Variants in DCAF6 observed in about 807,000 individuals in gnomAD.
The protein encoded by DCAF6 is DDB1- and CUL4-associated factor 6.
In DCAF6, 54 loss-of-function variants were observed where a neutral mutation model predicts 125.1. The observed-to-expected ratio is 0.43, with a 90% CI of 0.35 to 0.54. DCAF6 has a LOEUF of 0.54. DCAF6 is among the 20% of genes least tolerant of loss of function. The pLI is 0.01. For synonymous variants in DCAF6, 371 were observed against 390.4 expected, an observed-to-expected ratio of 0.95 and a Z score of 0.58; for missense variants, 934 against 1,161.7, an observed-to-expected ratio of 0.80 and a Z score of 2.85.
the DCAF6 span, chr1:167,903,856 T>G: frequency 6.6e-7 from 1 of 1,505,668 alleles, no homozygotes; most frequent in Non-Finnish European, 9.3e-7. Flanking sequence ...ATTGAAATAT[T>G]CTCAAGCCAG....
chr1:167,968,938 C>G (rs1676879117), intron 3 of DCAF6, among the ~76,000 whole-genome samples: 1 of 152,032 alleles, frequency 6.6e-6, no homozygotes, highest in South Asian at 2.1e-4. Context: ...GGTATTATTG[C>G]AATGTGAAAT....
At chr1:167,878,474 A>G in the DCAF6 span, 3 of 1,614,046 alleles carry the variant, frequency 1.9e-6, no homozygotes, top group Admixed American at 5.0e-5. Flanking sequence ...CAATACTGAT[A>G]CAATGGTCCA....
chr1:167,948,853 T>C (rs1025634342), intron 1 of DCAF6, among the ~76,000 whole-genome samples: 1 of 152,154 alleles, frequency 6.6e-6, no homozygotes, highest in African/African-American at 2.4e-5. Flanking sequence ...GGTTTTGACA[T>C]GTTGATCAGG....
At chr1:167,884,694 ATTTTT>A in the DCAF6 span, among the ~76,000 whole-genome samples, 2 of 108,626 alleles carry the variant, frequency 1.8e-5, no homozygotes, top group Non-Finnish European at 3.6e-5. Context: ...AATCATTTTA[ATTTTT>A]TTTTTTTTTT....
At chr1:167,883,368 C>T in the DCAF6 span, 11 of 1,545,546 alleles carry the variant, frequency 7.1e-6, no homozygotes, top group African/African-American at 8.2e-5. Context: ...TCTATTCTCA[C>T]CAATGTGCTT....
At chr1:167,894,619 A>ATG in the DCAF6 span, among the ~76,000 whole-genome samples, 6,513 of 151,308 alleles carry the variant, frequency 0.043, 443 homozygotes, top group African/African-American at 0.15. Flanking sequence ...GTGAAAAAAA[A>ATG]TGTGTGTGTG....
chr1:167,968,127 C>T (rs1571715921), intron 3 of DCAF6, among the ~76,000 whole-genome samples: 2 of 152,102 alleles, frequency 1.3e-5, no homozygotes, highest in East Asian at 3.9e-4. Flanking sequence ...TAGTAGCAAC[C>T]GTGTATTGGT....
chr1:167,876,118 G>A, the DCAF6 span, among the ~76,000 whole-genome samples: 4 of 152,002 alleles, frequency 2.6e-5, no homozygotes, highest in African/African-American at 7.2e-5. Context: ...TTAGCTGGGC[G>A]TGGTGGCTTG....
chr1:167,934,378 AC>A (rs1671000689), upstream of DCAF6, among the ~76,000 whole-genome samples: 1 of 152,212 alleles, frequency 6.6e-6, no homozygotes, highest in East Asian at 1.9e-4. Flanking sequence ...CCAGATTATT[AC>A]AAAAAGCATA....
intron 16 of DCAF6, among the ~76,000 whole-genome samples, chr1:168,049,945 G>A (rs1572097178): frequency 6.7e-6 from 1 of 148,644 alleles, no homozygotes; most frequent in Non-Finnish European, 1.5e-5. Flanking sequence ...ATGAGCCACC[G>A]CACCCAGGCT....
intron 10 of DCAF6, among the ~76,000 whole-genome samples, chr1:168,007,270 A>G (rs780100258): frequency 6.6e-6 from 1 of 152,126 alleles, no homozygotes; most frequent in African/African-American, 2.4e-5. Flanking sequence ...CTCTTGCATT[A>G]TCATTGCCTT....
chr1:167,953,917 T>G (rs1212996629), intron 2 of DCAF6, among the ~76,000 whole-genome samples: 3 of 152,116 alleles, frequency 2.0e-5, no homozygotes, highest in Non-Finnish European at 2.9e-5. Flanking sequence ...TTTTCAAGTT[T>G]AAACATACCT....
chr1:168,027,611 G>T (rs73026196), intron 12 of DCAF6, among the ~76,000 whole-genome samples: 2 of 151,968 alleles, frequency 1.3e-5, no homozygotes, highest in South Asian at 4.1e-4. Context: ...TTTTCCAGGT[G>T]CCCAAATCAT....
At chr1:167,908,490 AG>A in the DCAF6 span, among the ~76,000 whole-genome samples, 1 of 152,202 alleles carries the variant, frequency 6.6e-6, no homozygotes, top group Non-Finnish European at 1.5e-5. Flanking sequence ...ACCTAGAGCA[AG>A]GTGAATACAG....
At chr1:167,875,293 C>A in the DCAF6 span, 1 of 1,133,662 alleles carries the variant, frequency 8.8e-7, no homozygotes, top group Non-Finnish European at 1.3e-6. Context: ...CAATTGCTAA[C>A]AAGAGTCTAT....
chr1:167,920,034 CA>C, the DCAF6 span: 1 of 1,613,450 alleles, frequency 6.2e-7, no homozygotes, highest in South Asian at 1.1e-5. Context: ...AAATTAACAG[CA>C]AACAGACTCC....
At chr1:167,955,220 T>G (rs556973557) in intron 2 of DCAF6, among the ~76,000 whole-genome samples, 1 of 152,234 alleles carries the variant, frequency 6.6e-6, no homozygotes, top group Non-Finnish European at 1.5e-5. Context: ...CTATTACAAA[T>G]AAAGTTGCCA....
the DCAF6 span, among the ~76,000 whole-genome samples, chr1:167,865,081 A>G: frequency 6.6e-6 from 1 of 152,244 alleles, no homozygotes; most frequent in Non-Finnish European, 1.5e-5. Flanking sequence ...TAAAAAATTT[A>G]TGCAAAAAAT....
the DCAF6 span, among the ~76,000 whole-genome samples, chr1:167,910,126 G>A: frequency 1.3e-5 from 2 of 152,178 alleles, no homozygotes; most frequent in Non-Finnish European, 2.9e-5. Flanking sequence ...GCCGAATAAA[G>A]CCTCTTCCTT....
Sources: allele counts gnomAD v4.1 joint callset (sites outside exome capture counted in the v4.1 genomes callset), GRCh38; gene constraint gnomAD v4.1.1; transcripts MANE v1.5; gene names NCBI Gene and HGNC (gene_info 2026-07-23, HGNC 2026-07-21).